ZC3H7A: variants seen among roughly 807,000 people sequenced by gnomAD.
ZC3H7A encodes the protein zinc finger CCCH-type containing 7A, also known as zinc finger CCCH domain-containing protein 7A.
In ZC3H7A, 44 loss-of-function variants were observed where a neutral mutation model predicts 125.5. The ratio of observed to expected loss-of-function variants is 0.35; its 90% confidence interval spans 0.28 to 0.45. The LOEUF (loss-of-function observed/expected upper bound fraction) is 0.45. Among genes scored for constraint, ZC3H7A ranks in the 20% least tolerant of loss-of-function variants. ZC3H7A has a pLI of 1.00. For synonymous variants in ZC3H7A, 399 were observed against 391.2 expected (o/e 1.02, Z -0.23); for missense variants, 977 against 1,170.7 (o/e 0.83, Z 2.41).
intron 3 of ZC3H7A, among the ~76,000 whole-genome samples, chr16:11,780,244 C>CCGAGTAG (rs2141207383): frequency 6.6e-6 from 1 of 151,838 alleles, no homozygotes; most frequent in African/African-American, 2.4e-5. Flanking sequence ...TCTTAGCCTC[C>CCGAGTAG]CGAGTAGCTG....
At chr16:11,761,789 C>T in intron 18 of ZC3H7A, 121 bp downstream of exon 18, 1 of 1,371,298 alleles carries the variant, frequency 7.3e-7, no homozygotes, top group Non-Finnish European at 9.9e-7. Context: ...TGTAATTATC[C>T]TAAATTATCT....
chr16:11,762,637 C>G (rs1221389575), intron 17 of ZC3H7A, 34 bp downstream of exon 17: 3 of 1,603,014 alleles, frequency 1.9e-6, no homozygotes, highest in Non-Finnish European at 2.6e-6. Flanking sequence ...CCAGAAAGGA[C>G]ACCAAATGCA....
chr16:11,792,054 C>T (rs1458825128), intron 1 of ZC3H7A, among the ~76,000 whole-genome samples: 1 of 152,134 alleles, frequency 6.6e-6, no homozygotes, highest in Non-Finnish European at 1.5e-5. Flanking sequence ...ACTACAAGCA[C>T]ATGCCACTAT....
At chr16:11,782,252 A>G (rs752857997) in intron 2 of ZC3H7A, 35 bp downstream of exon 2, 2 of 1,612,066 alleles carry the variant, frequency 1.2e-6, no homozygotes, top group Non-Finnish European at 1.7e-6. Context: ...AAGAATTAGG[A>G]CGCGGCAAGA....
At chr16:11,790,631 C>T (rs1374686448) in intron 1 of ZC3H7A, among the ~76,000 whole-genome samples, 1 of 152,026 alleles carries the variant, frequency 6.6e-6, no homozygotes, top group Non-Finnish European at 1.5e-5. Context: ...CCTCCGCCTC[C>T]CAGGTTCAAG....
Position 11,765,569 on chromosome 16 carries a change from A to T in ZC3H7A, c.1639T>A (p.Phe547Ile). Reference sequence around the variant, plus strand: ...AGGTTAATCTTTCCATTGCCGCCAAAGAAAGCCTCCCGGCTGAATGCTCCT... The same window carrying T: ...AGGTTAATCTTTCCATTGCCGCCAATGAAAGCCTCCCGGCTGAATGCTCCT... ...RKGAFSREAF[F>I]GGNGKINLTV... Residue 547 changes from phenylalanine to isoleucine, a missense_variant, in exon 14 of 23, where the codon TTT (phenylalanine) becomes ATT (isoleucine). This residue lies in a region of ZC3H7A where 436 missense variants were observed against 603.2 expected (regional missense o/e 0.72). Transcript: ENST00000355758. The surrounding 1 kb of genome is among the most constrained non-coding windows in gnomAD (Gnocchi z 4.8). 2 of 1,614,230 alleles carry T rather than the reference A, an allele frequency of 1.2e-6. No individual in the cohort carries two copies. Among genetic ancestry groups the T allele is most frequent in the Non-Finnish European group, 1.7e-6 (2 of 1,180,032 alleles).
intron 16 of ZC3H7A, 47 bp downstream of exon 16, chr16:11,763,431 C>G (rs749948559): frequency 1.3e-6 from 2 of 1,537,450 alleles, no homozygotes; most frequent in East Asian, 2.4e-5. Flanking sequence ...TCATTAAACC[C>G]TGTCTGCTCT....
chr16:11,762,612 A>G, intron 17 of ZC3H7A, 59 bp downstream of exon 17: 1 of 1,515,334 alleles, frequency 6.6e-7, no homozygotes, highest in Non-Finnish European at 9.2e-7. Context: ...AACAACCAAC[A>G]TCTATTACGC....
chr16:11,776,548 A>T lies in ZC3H7A; in HGVS notation c.466-16T>A. On this transcript the variant is annotated splice_polypyrimidine_tract_variant and intron_variant, in intron 5 of 22. Coordinates refer to ENST00000355758, the MANE Select transcript of ZC3H7A (RefSeq NM_014153.4). ...CATGCTCATCCTGAAAAAAATAAGTATGTATAATTAACAGGGTTATATTTA... is the reference window on the plus strand; with the variant it reads ...CATGCTCATCCTGAAAAAAATAAGTTTGTATAATTAACAGGGTTATATTTA... 2 of 1,593,596 alleles carry T rather than the reference A, an allele frequency of 1.3e-6. No homozygotes were observed. Among genetic ancestry groups the T allele is most frequent in the Non-Finnish European group, 1.7e-6 (2 of 1,171,002 alleles).
intron 9 of ZC3H7A, among the ~76,000 whole-genome samples, chr16:11,773,653 C>T (rs914287427): frequency 2.6e-5 from 4 of 151,690 alleles, no homozygotes; most frequent in Non-Finnish European, 5.9e-5. Context: ...GAGGCCGAGG[C>T]GGGTGGATCA....
At chr16:11,790,079 CAAAAAA>C (rs150579733) in intron 1 of ZC3H7A, among the ~76,000 whole-genome samples, 4 of 73,550 alleles carry the variant, frequency 5.4e-5, no homozygotes, top group Admixed American at 3.3e-4. Context: ...GACTCCATCT[CAAAAAA>C]AAAAAAAAAA....
chr16:11,763,703 T>C (rs1238338088), intron 15 of ZC3H7A, 44 bp from the exon 16 acceptor site: 4 of 611,820 alleles, frequency 6.5e-6, no homozygotes, highest in Admixed American at 3.9e-5. Flanking sequence ...CTGCCATAGA[T>C]TTTTCAAATA....
chr16:11,760,487 T>G (rs1597539518), intron 19 of ZC3H7A, among the ~76,000 whole-genome samples: 1 of 152,202 alleles, frequency 6.6e-6, no homozygotes, highest in Admixed American at 6.5e-5. Context: ...GTTACTTGTG[T>G]AAGTTTTACA....
At chr16:11,758,592 C>A in intron 19 of ZC3H7A, 53 bp from the exon 20 acceptor site, 1 of 1,314,984 alleles carries the variant, frequency 7.6e-7, no homozygotes, top group East Asian at 2.3e-5. Context: ...AGTAAAACGG[C>A]CTAATTTTTA....
intron 1 of ZC3H7A, chr16:11,782,597 TA>T: frequency 3.1e-6 from 1 of 323,546 alleles, no homozygotes; most frequent in African/African-American, 2.2e-5. Flanking sequence ...ACCGTTTTCA[TA>T]TTCTTTTTTT....
Position 11,765,397 on chromosome 16 carries a change from T to C in ZC3H7A, c.1719+92A>G. Reference sequence around the variant, plus strand: ...TATAAATAAATGAATATTTATTCATTTACCAAGTGAATGTTTTATCACATG... The same window carrying C: ...TATAAATAAATGAATATTTATTCATCTACCAAGTGAATGTTTTATCACATG... On this transcript the variant is annotated intron_variant, in intron 14 of 22. Coordinates refer to ENST00000355758, the MANE Select transcript of ZC3H7A (RefSeq NM_014153.4). This position sits in a 1 kb window ranked among gnomAD's most constrained non-coding sequence, Gnocchi z 4.8. 1.2e-6 allele frequency: 1 copy of C among 855,618 alleles called. No individual in the cohort carries two copies. Among genetic ancestry groups the C allele is most frequent in the Non-Finnish European group, 1.7e-6 (1 of 576,928 alleles). 53.0% of individuals were successfully genotyped at this position (855,618 alleles called of 1,614,324 possible).
At position 11,784,826 on chromosome 16, in the gene ZC3H7A, C is replaced by G. The variant is rs191969444; in HGVS notation, c.-34-2438G>C. ...CCAAGATCACGTCATTGCACTCCAG[C>G]CTGGGCAACAAGAGTGACACTCCAT... On this transcript the variant is annotated intron_variant, in intron 1 of 22. Coordinates refer to ENST00000355758, the MANE Select transcript of ZC3H7A (RefSeq NM_014153.4). Among the ~76,000 whole-genome samples, 92 of 145,572 alleles carry G rather than the reference C, an allele frequency of 6.3e-4. 1 individual carries two copies. The highest frequency in any genetic ancestry group is 8.7e-4 in the Non-Finnish European group (58 of 67,036).
At chr16:11,752,901 C>A in intron 21 of ZC3H7A, 69 bp from the exon 22 acceptor site, 2 of 1,548,902 alleles carry the variant, frequency 1.3e-6, no homozygotes, top group Non-Finnish European at 1.7e-6. Context: ...TTCCAGGGAG[C>A]CCAGGCTGGT....
At chr16:11,757,471 G>A (rs1252013324) in intron 20 of ZC3H7A, among the ~76,000 whole-genome samples, 28 of 116,942 alleles carry the variant, frequency 2.4e-4, no homozygotes, top group Non-Finnish European at 9.8e-5. Context: ...GTGACAAAGC[G>A]AGACTCTGTC....
Sources: allele counts gnomAD v4.1 joint callset (sites outside exome capture counted in the v4.1 genomes callset), GRCh38; gene constraint gnomAD v4.1.1; regional missense constraint gnomAD v4.1.1; non-coding constraint Gnocchi (gnomAD v3.1); transcripts MANE v1.5; gene names NCBI Gene and HGNC (gene_info 2026-07-23, HGNC 2026-07-21).